Variants in TRIM67 observed in about 807,000 individuals in gnomAD.
TRIM67 encodes the protein tripartite motif containing 67.
A neutral mutation model predicts 71.0 loss-of-function variants in TRIM67; 39 were observed. The ratio of observed to expected loss-of-function variants is 0.55; its 90% CI spans 0.43 to 0.72. The LOEUF (loss-of-function observed/expected upper bound fraction) is 0.72, where lower values mean the gene tolerates loss of function less well. Among genes scored for constraint, TRIM67 ranks in the 30% least tolerant of loss-of-function variants. TRIM67 has a pLI of 0.00. For synonymous variants in TRIM67, 481 were observed against 473.9 expected (o/e 1.01, Z -0.19); for missense variants, 973 against 1,079.2 (o/e 0.90, Z 1.38).
rs779621082 is a variant in TRIM67, at chr1:231,163,085, C to G, written c.116C>G (p.Pro39Arg). ...PCARTIAVQTPDGEQHLPQPL... is the reference protein window; with the variant it reads ...PCARTIAVQTRDGEQHLPQPL... ...GCTCGCACCATCGCGGTGCAGACCCCGGACGGTGAGCAGCACCTGCCCCAG... is the reference window on the plus strand; with the variant it reads ...GCTCGCACCATCGCGGTGCAGACCCGGGACGGTGAGCAGCACCTGCCCCAG... The change falls in exon 1 of 10, where the codon CCG becomes CGG. Residue 39 changes from proline to arginine, a missense_variant. This residue lies in a region of TRIM67 where 795 missense variants were observed against 831.3 expected (regional missense o/e 0.96). Transcript: ENST00000366653. 2 of 1,587,372 alleles carry G rather than the reference C, an allele frequency of 1.3e-6. No homozygotes were observed. The highest frequency in any genetic ancestry group is 1.1e-5 in the South Asian group (1 of 87,796).
rs934054484 is a variant in TRIM67, at chr1:231,218,741, C to T, written c.*3301C>T. ...GATATGTACTTTGTAGTTGCAACAG[C>T]GCCCTAGGTGCCCTATGGCCCACCA... On this transcript the variant is annotated 3_prime_UTR_variant, in exon 10 of 10. Transcript: ENST00000366653. 7.1e-6 allele frequency: 7 copies of T among 985,324 alleles called. No individual in the cohort carries two copies. Among genetic ancestry groups the T allele is most frequent in the African/African-American group, 3.5e-5 (2 of 57,226 alleles). 61.0% of individuals were successfully genotyped at this position (985,324 alleles called of 1,614,324 possible).
intron 1 of TRIM67, among the ~76,000 whole-genome samples, chr1:231,177,655 A>G (rs946592746): frequency 8.5e-5 from 13 of 152,232 alleles, no homozygotes; most frequent in Admixed American, 7.2e-4. Context: ...AACTCCAGAC[A>G]GCTTTAAAAA....
intron 8 of TRIM67, among the ~76,000 whole-genome samples, chr1:231,211,041 T>TAC (rs1558308085): frequency 8.8e-5 from 12 of 136,212 alleles, no homozygotes; most frequent in Non-Finnish European, 1.5e-4. Flanking sequence ...AATATATATA[T>TAC]ATATATATAT....
At position 231,187,401 on chromosome 1, in the gene TRIM67, T is replaced by TA. The variant is rs1380067236; in HGVS notation, c.1045-9964dup. 108 of 987,292 alleles carry TA rather than the reference T, an allele frequency of 1.1e-4. 1 individual carries two copies. The Admixed American group carries it at 1.3e-3, about 12-fold the overall frequency. The allele number at this position is 987,292 out of a possible 1,614,324, so 61.2% of individuals were successfully genotyped here. On this transcript the variant is annotated intron_variant, in intron 1 of 9. Transcript: ENST00000366653. ...AGGAGCCTCTACCTTTTAATTTTTTTAAAAAATGAGTCATTTACATTTCTC... is the reference window on the plus strand; with the variant it reads ...AGGAGCCTCTACCTTTTAATTTTTTTAAAAAAATGAGTCATTTACATTTCTC...
rs913306997 is a variant in TRIM67, at chr1:231,201,618, A to C, written c.1534+101A>C. ...CCATAGGGAGACCTGTGATGCACGG[A>C]GTGTGGCAGGGTGGGAGAGCAGGAG... On this transcript the variant is annotated intron_variant, in intron 5 of 9. Transcript: ENST00000366653. 40 of 1,402,578 alleles carry C rather than the reference A, an allele frequency of 2.9e-5. No homozygotes were observed. In the African/African-American group the frequency reaches 4.4e-4, roughly 15 times the overall value. The allele number at this position is 1,402,578 out of a possible 1,614,324, so 86.9% of individuals were successfully genotyped here.
Position 231,219,161 on chromosome 1 carries a change from G to A in TRIM67, c.*3721G>A, listed in dbSNP as rs924118806. On this transcript the variant is annotated 3_prime_UTR_variant, in exon 10 of 10. Transcript: ENST00000366653. ...GAATGCTAAAGAACACTGCTGCACA[G>A]CCCGTGGGGTGGCGCCAGGGTTTCT... 1 of 985,448 alleles carries A rather than the reference G, an allele frequency of 1.0e-6. No individual in the cohort carries two copies. Among genetic ancestry groups the A allele is most frequent in the Non-Finnish European group, 1.2e-6 (1 of 830,090 alleles). 61.0% of individuals were successfully genotyped at this position (985,448 alleles called of 1,614,324 possible).
At position 231,163,502 on chromosome 1, in the gene TRIM67, G is replaced by C. The variant is rs1017085909; in HGVS notation, c.533G>C (p.Arg178Pro). 6.6e-7 allele frequency: 1 copy of C among 1,518,724 alleles called. No homozygotes were observed. The highest frequency in any genetic ancestry group is 8.8e-7 in the Non-Finnish European group (1 of 1,139,450). The allele number at this position is 1,518,724 out of a possible 1,614,324, so 94.1% of individuals were successfully genotyped here. Residue 178 changes from arginine to proline, a missense_variant, in exon 1 of 10, where the codon CGC becomes CCC. Physicochemically the swap from Arg to Pro is moderately radical, Grantham distance 103 (BLOSUM62 -2). Transcript: ENST00000366653. The part of the protein sequence containing the change: ...LDHRGLRGFQ[R>P]NRLLEAIVQR... ...CACCGCGGCCTGCGCGGCTTCCAGC[G>C]CAACCGGCTGCTCGAGGCCATCGTG...
chr1:231,206,301 C>A (rs1336503218), intron 6 of TRIM67, among the ~76,000 whole-genome samples: 2 of 151,730 alleles, frequency 1.3e-5, no homozygotes, highest in Non-Finnish European at 2.9e-5. Context: ...ATTAGCTGGG[C>A]ATGGTGGTGC....
intron 8 of TRIM67, among the ~76,000 whole-genome samples, chr1:231,210,202 G>T (rs573150967): frequency 2.0e-5 from 3 of 152,286 alleles, no homozygotes; most frequent in African/African-American, 7.2e-5. Context: ...CATCTCCCCA[G>T]CAGGAAGGGG....
rs1399783482 is a variant in TRIM67, at chr1:231,217,722, C to T, written c.*2282C>T. 2 of 1,239,348 alleles carry T rather than the reference C, an allele frequency of 1.6e-6. No homozygotes were observed. Among genetic ancestry groups the T allele is most frequent in the South Asian group, 1.4e-5 (1 of 72,480 alleles). The allele number at this position is 1,239,348 out of a possible 1,614,324, so 76.8% of individuals were successfully genotyped here. On this transcript the variant is annotated 3_prime_UTR_variant, in exon 10 of 10. Coordinates refer to ENST00000366653, the MANE Select transcript of TRIM67 (RefSeq NM_001004342.5). The stretch of plus-strand genomic sequence containing the variant: ...TCCACCATCACCACAGCCCAGGTCA[C>T]CAGGTGGCCCCAGCTCTGCAGAAGA...
At chr1:231,184,292 T>C (rs1208189381) in intron 1 of TRIM67, 1 of 151,992 alleles carries the variant, frequency 6.6e-6, no homozygotes, top group African/African-American at 2.4e-5. Flanking sequence ...GATTTGCTGA[T>C]GTTAAAGTTG....
Position 231,200,191 on chromosome 1 carries a change from A to C in TRIM67, c.1307A>C (p.Gln436Pro). 1.2e-6 allele frequency: 2 copies of C among 1,614,006 alleles called. No individual in the cohort carries two copies. The highest frequency in any genetic ancestry group is 8.5e-7 in the Non-Finnish European group (1 of 1,179,872). ...AATCACTGCACATTGAAGCTGCGTCAGTCCACCGGACTGATGGAGTACTGC... is the reference window on the plus strand; with the variant it reads ...AATCACTGCACATTGAAGCTGCGTCCGTCCACCGGACTGATGGAGTACTGC... ...QINHCTLKLR[Q>P]STGLMEYCLE... is the part of the protein sequence containing the mutation. The change falls in exon 4 of 10, where the codon CAG becomes CCG. Residue 436 changes from glutamine (Q) to proline (P), a missense_variant. Around this residue, in one of 2 missense-constraint regions of TRIM67, gnomAD observed 795 missense variants for 831.3 expected, o/e 0.96. Transcript: ENST00000366653.
rs1684005361 is a variant in TRIM67, at chr1:231,216,006, T to C, written c.*566T>C. 4.3e-5 allele frequency: 42 copies of C among 985,558 alleles called. No individual in the cohort carries two copies. The highest frequency in any genetic ancestry group is 4.8e-5 in the Non-Finnish European group (40 of 830,112). The allele number at this position is 985,558 out of a possible 1,614,324, so 61.1% of individuals were successfully genotyped here. ...ACTTGCAGACCCAATGCAGGATTGA[T>C]AGAAAGGGACATTAATCATTCATGC... is the stretch of plus-strand genomic sequence containing the variant. On this transcript the variant is annotated 3_prime_UTR_variant, in exon 10 of 10. Transcript: ENST00000366653.
At chr1:231,199,824 C>T (rs543227891) in intron 3 of TRIM67, among the ~76,000 whole-genome samples, 4 of 152,322 alleles carry the variant, frequency 2.6e-5, no homozygotes, top group East Asian at 1.9e-4. Flanking sequence ...GGCCACTGAG[C>T]GGTCGGAAGC....
chr1:231,163,750 G>C lies in TRIM67; in HGVS notation c.781G>C (p.Ala261Pro). 6.7e-7 allele frequency: 1 copy of C among 1,492,966 alleles called. No individual in the cohort carries two copies. 92.5% of individuals were successfully genotyped at this position (1,492,966 alleles called of 1,614,324 possible). ...VQPPPPPPPP[A>P]EAASGPTGTA... ...GCCGCCGCCGCCGCCGCCGCCGCCC[G>C]CCGAGGCAGCCTCCGGGCCCACTGG... Residue 261 changes from alanine (A) to proline (P), a missense_variant, in exon 1 of 10, where the codon GCC becomes CCC. This residue lies in a region of TRIM67 where 795 missense variants were observed against 831.3 expected (regional missense o/e 0.96). Coordinates refer to ENST00000366653, the MANE Select transcript of TRIM67 (RefSeq NM_001004342.5).
Position 231,162,934 on chromosome 1 carries a change from C to T in TRIM67, c.-36C>T, listed in dbSNP as rs1220330236. 1.3e-6 allele frequency: 2 copies of T among 1,599,658 alleles called. No individual in the cohort carries two copies. The highest frequency in any genetic ancestry group is 2.2e-5 in the South Asian group (2 of 89,404). ...AGTCTCCCGAGCTCCGGCCATTCAT[C>T]CCCAGCGCAGAGCAGCGCTGGCAGC... On this transcript the variant is annotated 5_prime_UTR_variant, in exon 1 of 10. Coordinates refer to ENST00000366653, the MANE Select transcript of TRIM67 (RefSeq NM_001004342.5).
chr1:231,217,407 T>A lies in TRIM67; in HGVS notation c.*1967T>A, dbSNP rs1684041410. On this transcript the variant is annotated 3_prime_UTR_variant, in exon 10 of 10. Transcript: ENST00000366653. ...GTGACACACAAGACCTGGGACCCTG[T>A]GTCCTTGCCCGCACCTCTGCCTCTG... 1.0e-6 allele frequency: 1 copy of A among 987,276 alleles called. No individual in the cohort carries two copies. Among genetic ancestry groups the A allele is most frequent in the South Asian group, 4.7e-5 (1 of 21,414 alleles). The allele number at this position is 987,276 out of a possible 1,614,324, so 61.2% of individuals were successfully genotyped here.
In TRIM67 at chr1:231,220,249, G is replaced by A. The variant is rs951218546; in HGVS notation, c.*4809G>A. The A allele has an allele frequency of 3.2e-6, 1 of 309,888 alleles. No individual in the cohort carries two copies. The allele number at this position is 309,888 out of a possible 1,614,324, so 19.2% of individuals were successfully genotyped here. A position where few individuals can be genotyped will look rare whatever the true frequency, so the allele number is the denominator to read the frequency against. ...GGCAAGGAGCTGCCTGGCCTCCAGTGGGTAAAATAGACCTTTAAGACAGGT... is the reference window on the plus strand; with the variant it reads ...GGCAAGGAGCTGCCTGGCCTCCAGTAGGTAAAATAGACCTTTAAGACAGGT... On this transcript the variant is annotated 3_prime_UTR_variant, in exon 10 of 10. Coordinates refer to ENST00000366653, the MANE Select transcript of TRIM67 (RefSeq NM_001004342.5).
chr1:231,163,555 G>A lies in TRIM67; in HGVS notation c.586G>A (p.Val196Met), dbSNP rs1326327932. ...GCGGTACCAGCAGGGCCGCGGGGCCGTGCCGGGGACGTCTGCAGCCGCGGC... is the reference window on the plus strand; with the variant it reads ...GCGGTACCAGCAGGGCCGCGGGGCCATGCCGGGGACGTCTGCAGCCGCGGC... ...VQRYQQGRGA[V>M]PGTSAAAAVA... The change falls in exon 1 of 10, where the codon GTG becomes ATG. Residue 196 changes from valine to methionine, a missense_variant. This residue lies in a region of TRIM67 where 795 missense variants were observed against 831.3 expected (regional missense o/e 0.96). Coordinates refer to ENST00000366653, the MANE Select transcript of TRIM67 (RefSeq NM_001004342.5). The A allele has an allele frequency of 2.0e-6, 3 of 1,512,294 alleles. No individual in the cohort carries two copies. The highest frequency in any genetic ancestry group is 2.6e-5 in the East Asian group (1 of 37,906). 93.7% of individuals were successfully genotyped at this position (1,512,294 alleles called of 1,614,324 possible).
Sources: gnomAD v4.1 joint callset for allele counts (sites outside exome capture counted in the v4.1 genomes callset) on GRCh38, gnomAD v4.1.1 for gene constraint, gnomAD v4.1.1 regional missense constraint, MANE v1.5 for transcripts, NCBI Gene and HGNC (gene_info 2026-07-23, HGNC 2026-07-21) for gene names.